The following ABTB3 variants were observed in gnomAD, a reference collection of about 807,000 sequenced individuals.
The protein encoded by ABTB3 is ankyrin repeat- and BTB/POZ domain-containing protein 3.
chr12:107,536,288 A>G, the ABTB3 span, among the ~76,000 whole-genome samples: 4 of 152,168 alleles, frequency 2.6e-5, no homozygotes, highest in African/African-American at 9.6e-5. Context: ...TAAAAATCCT[A>G]GAAGAAAACA....
At chr12:107,641,020 TGAA>T in the ABTB3 span, among the ~76,000 whole-genome samples, 8 of 152,062 alleles carry the variant, frequency 5.3e-5, no homozygotes, top group Admixed American at 5.2e-4. Context: ...GATGCTGAAA[TGAA>T]GAATACCAAG....
At chr12:107,403,531 C>G in the ABTB3 span, among the ~76,000 whole-genome samples, 1 of 152,166 alleles carries the variant, frequency 6.6e-6, no homozygotes, top group African/African-American at 2.4e-5. Flanking sequence ...GTGATACTTC[C>G]TAGGGCTATA....
the ABTB3 span, among the ~76,000 whole-genome samples, chr12:107,465,116 A>G: frequency 6.6e-6 from 1 of 152,196 alleles, no homozygotes; most frequent in Non-Finnish European, 1.5e-5. Flanking sequence ...CATGGCAGGG[A>G]CTGCCATAGC....
chr12:107,470,693 T>G, the ABTB3 span, among the ~76,000 whole-genome samples: 1 of 152,164 alleles, frequency 6.6e-6, no homozygotes, highest in African/African-American at 2.4e-5. Context: ...AAGACAAAAT[T>G]AACCGACCCT....
chr12:107,347,525 G>A, the ABTB3 span, among the ~76,000 whole-genome samples: 9 of 152,124 alleles, frequency 5.9e-5, no homozygotes, highest in Admixed American at 1.3e-4. Flanking sequence ...GATGCGTTTC[G>A]ACCCCCCTCT....
At chr12:107,615,228 A>T in the ABTB3 span, 5 of 1,280,814 alleles carry the variant, frequency 3.9e-6, no homozygotes, top group Non-Finnish European at 3.4e-6. Context: ...ACACATCTAT[A>T]CCTCTCCCAG....
At chr12:107,436,931 A>G in the ABTB3 span, among the ~76,000 whole-genome samples, 4 of 152,018 alleles carry the variant, frequency 2.6e-5, no homozygotes, top group Non-Finnish European at 5.9e-5. Flanking sequence ...AGCTATGGAC[A>G]CTTTCTCCCC....
the ABTB3 span, among the ~76,000 whole-genome samples, chr12:107,548,319 G>A: frequency 6.6e-6 from 1 of 152,194 alleles, no homozygotes; most frequent in Non-Finnish European, 1.5e-5. Context: ...AAGAACAGGG[G>A]CTGAATATTA....
the ABTB3 span, among the ~76,000 whole-genome samples, chr12:107,565,254 G>A: frequency 6.6e-6 from 1 of 152,112 alleles, no homozygotes; most frequent in South Asian, 2.1e-4. Context: ...AGGACTTGAA[G>A]GAAATGGGCC....
At chr12:107,570,177 G>A in the ABTB3 span, among the ~76,000 whole-genome samples, 1 of 152,302 alleles carries the variant, frequency 6.6e-6, no homozygotes, top group South Asian at 2.1e-4. Context: ...AAAACCAGCA[G>A]CCTCTGCCAC....
the ABTB3 span, among the ~76,000 whole-genome samples, chr12:107,469,980 CTTTCTTTCTTTCTTTCTTTCTT>C: frequency 4.9e-5 from 4 of 81,364 alleles, 1 homozygote; most frequent in African/African-American, 3.1e-4. Flanking sequence ...TTCTTTCTTT[CTTTCTTTCTTTCTTTCTTTCTT>C]TCTTTCTTTC....
the ABTB3 span, chr12:107,657,872 G>A: frequency 5.4e-6 from 4 of 737,448 alleles, 1 homozygote; most frequent in Middle Eastern, 3.9e-4. Flanking sequence ...GAAAAACAAA[G>A]GACTTTCCAC....
chr12:107,640,768 G>A, the ABTB3 span, among the ~76,000 whole-genome samples: 1 of 152,240 alleles, frequency 6.6e-6, no homozygotes, highest in Admixed American at 6.5e-5. Flanking sequence ...ATAAGCCACT[G>A]AAATTCACAG....
At chr12:107,504,193 A>G in the ABTB3 span, among the ~76,000 whole-genome samples, 2 of 152,246 alleles carry the variant, frequency 1.3e-5, no homozygotes, top group Non-Finnish European at 2.9e-5. Context: ...TGTTTTTAAA[A>G]GACAATTTAG....
the ABTB3 span, among the ~76,000 whole-genome samples, chr12:107,354,572 C>T: frequency 4.6e-5 from 7 of 152,286 alleles, no homozygotes; most frequent in Middle Eastern, 3.4e-3. Flanking sequence ...TAGCAGATAT[C>T]GGTACCTTAT....
At chr12:107,470,883 G>A in the ABTB3 span, among the ~76,000 whole-genome samples, 1 of 152,178 alleles carries the variant, frequency 6.6e-6, no homozygotes, top group Admixed American at 6.5e-5. Context: ...AGCCAGCTGG[G>A]AGAAATGAGA....
At chr12:107,404,475 C>T in the ABTB3 span, among the ~76,000 whole-genome samples, 7 of 152,058 alleles carry the variant, frequency 4.6e-5, no homozygotes, top group Admixed American at 3.3e-4. Context: ...CATTACCTCT[C>T]GGGACCCCCT....
At chr12:107,604,156 G>A in the ABTB3 span, among the ~76,000 whole-genome samples, 4 of 151,760 alleles carry the variant, frequency 2.6e-5, no homozygotes, top group Non-Finnish European at 4.4e-5. Context: ...GCGACAGAGT[G>A]AGACTCCATC....
the ABTB3 span, among the ~76,000 whole-genome samples, chr12:107,533,330 G>A: frequency 2.0e-5 from 3 of 152,242 alleles, no homozygotes; most frequent in East Asian, 1.9e-4. Flanking sequence ...GTATAGACTG[G>A]CTGAAAGAAT....
Sources: gnomAD v4.1 joint callset for allele counts (sites outside exome capture counted in the v4.1 genomes callset) on GRCh38, gnomAD v4.1.1 for gene constraint, MANE v1.5 for transcripts, NCBI Gene and HGNC (gene_info 2026-07-23, HGNC 2026-07-21) for gene names.